The following MROH7 variants were observed in gnomAD, a reference collection of about 807,000 sequenced individuals.
The protein encoded by MROH7 is maestro heat like repeat family member 7.
In MROH7, 113 loss-of-function variants were observed where a neutral mutation model predicts 129.2. The observed-to-expected ratio is 0.87, with a 90% CI of 0.75 to 1.02. The LOEUF is 1.02. Among genes scored for constraint, MROH7 ranks in the 50% least tolerant of loss-of-function variants. MROH7 has a pLI of 0.00. For missense variants in MROH7, 1,601 were observed against 1,671.3 expected (o/e 0.96, Z 0.73); for synonymous variants, 655 against 667.9 (o/e 0.98, Z 0.30).
chr1:54,679,806 C>T (rs974201064), intron 12 of MROH7, 85 bp from the exon 13 acceptor site: 3 of 1,350,086 alleles, frequency 2.2e-6, no homozygotes, highest in Admixed American at 3.6e-5. Context: ...GCCTGTCACC[C>T]CCTTCCCTCT....
chr1:54,673,253 G>A, intron 8 of MROH7, 67 bp downstream of exon 8: 1 of 1,221,636 alleles, frequency 8.2e-7, no homozygotes, highest in Non-Finnish European at 1.2e-6. Context: ...AATTGGTGCA[G>A]GAGCAGTGGA....
chr1:54,706,325 T>C (rs1645532889), intron 21 of MROH7, 110 bp from the exon 22 acceptor site: 1 of 746,676 alleles, frequency 1.3e-6, no homozygotes, highest in Non-Finnish European at 2.4e-6. Flanking sequence ...AGGGAGCAGA[T>C]ATATTTGGGA....
At position 54,703,691 on chromosome 1, in the gene MROH7, C is replaced by A. The variant is rs894335544; in HGVS notation, c.3564+946C>A. Among the ~76,000 whole-genome samples, 1 of 152,092 alleles carries A rather than the reference C, an allele frequency of 6.6e-6. No individual in the cohort carries two copies. Among genetic ancestry groups the A allele is most frequent in the Non-Finnish European group, 1.5e-5 (1 of 68,008 alleles). On this transcript the variant is annotated intron_variant, in intron 21 of 23. Coordinates refer to ENST00000421030, the MANE Select transcript of MROH7 (RefSeq NM_001039464.4). This position sits in a 1 kb window ranked among gnomAD's most constrained non-coding sequence, Gnocchi z 4.4. ...ACAACTCTGCAGGATACAGCCTAGT[C>A]CTCCATATGTCATTTGGGAGGATTT...
intron 17 of MROH7, among the ~76,000 whole-genome samples, chr1:54,696,807 G>A (rs1434730585): frequency 6.6e-6 from 1 of 151,478 alleles, no homozygotes; most frequent in East Asian, 1.9e-4. Flanking sequence ...GAGTAGCTGG[G>A]ATTATAGGCA....
chr1:54,682,160 CTT>C (rs36109984), intron 13 of MROH7, among the ~76,000 whole-genome samples: 20,123 of 134,854 alleles, frequency 0.15, 1,718 homozygotes, highest in East Asian at 0.29. Context: ...TTCTTTCTTT[CTT>C]TTTTTTTTTT....
At position 54,697,880 on chromosome 1, in the gene MROH7, T is replaced by C. The variant is rs1045534765; in HGVS notation, c.2964+2390T>C. On this transcript the variant is annotated intron_variant, in intron 17 of 23. Coordinates refer to ENST00000421030, the MANE Select transcript of MROH7 (RefSeq NM_001039464.4). ...GGATCTTGCCAGACCTTATGGGGCATTCCTGTGTCCACCACAAAGTCAGGG... is the reference window on the plus strand; with the variant it reads ...GGATCTTGCCAGACCTTATGGGGCACTCCTGTGTCCACCACAAAGTCAGGG... 6 of 499,574 alleles carry C rather than the reference T, an allele frequency of 1.2e-5. 1 individual carries two copies. The East Asian group carries it at 1.2e-4, about 10-fold the overall frequency. 30.9% of individuals were successfully genotyped at this position (499,574 alleles called of 1,614,324 possible).
At position 54,697,511 on chromosome 1, in the gene MROH7, C is replaced by T. The variant is rs1280509597; in HGVS notation, c.2964+2021C>T. 2.0e-5 allele frequency: 11 copies of T among 551,744 alleles called. No individual in the cohort carries two copies. In the South Asian group the frequency reaches 2.3e-4, roughly 11 times the overall value. 34.2% of individuals were successfully genotyped at this position (551,744 alleles called of 1,614,324 possible). A position where few individuals can be genotyped will look rare whatever the true frequency, so the allele number is the denominator to read the frequency against. On this transcript the variant is annotated intron_variant, in intron 17 of 23. Coordinates refer to ENST00000421030, the MANE Select transcript of MROH7 (RefSeq NM_001039464.4). Reference sequence around the variant, plus strand: ...GGGGTCGGGAGTCCTGGGTTCCAGCCCCAGCTCCATCCAGTTCTAACTCCA... The same window carrying T: ...GGGGTCGGGAGTCCTGGGTTCCAGCTCCAGCTCCATCCAGTTCTAACTCCA...
intron 4 of MROH7, among the ~76,000 whole-genome samples, chr1:54,667,770 A>AG (rs1159913267): frequency 1.6e-5 from 2 of 127,770 alleles, no homozygotes; most frequent in African/African-American, 6.6e-5. Context: ...AAATTTACAA[A>AG]GTAAAAAAAA....
At position 54,682,356 on chromosome 1, in the gene MROH7, C is replaced by T. The variant is rs528947916; in HGVS notation, c.2382-300C>T. Among the ~76,000 whole-genome samples the T allele has an allele frequency of 3.6e-4, 55 of 151,906 alleles. No homozygotes were observed. The East Asian group carries it at 5.1e-3, about 14-fold the overall frequency. On this transcript the variant is annotated intron_variant, in intron 13 of 23. Coordinates refer to ENST00000421030, the MANE Select transcript of MROH7 (RefSeq NM_001039464.4). ...ATTTTTTTTGTATTATTAGTAGAGA[C>T]GGGGTTTCACCATATTGGCCAGGCT...
rs1398016916 is a variant in MROH7 at position 54,699,098 on chromosome 1, C to CTTTT, written c.2965-1220_2965-1219insTTTT. The CTTTT allele has an allele frequency of 1.8e-3, 72 of 40,854 alleles. 2 individuals are homozygous for CTTTT. Among genetic ancestry groups the CTTTT allele is most frequent in the African/African-American group, 5.4e-3 (71 of 13,192 alleles). 2.5% of individuals were successfully genotyped at this position (40,854 alleles called of 1,614,324 possible). ...TGTGAGCCACCTTGCCTGGCCTTTTCTTTCTTTCTTTCTTTCTTTCTTTCT... is the reference window on the plus strand; with the variant it reads ...TGTGAGCCACCTTGCCTGGCCTTTTCTTTTTTTCTTTCTTTCTTTCTTTCTTTCT... On this transcript the variant is annotated intron_variant, in intron 17 of 23. Coordinates refer to ENST00000421030, the MANE Select transcript of MROH7 (RefSeq NM_001039464.4).
intron 3 of MROH7, among the ~76,000 whole-genome samples, chr1:54,656,520 A>G (rs1231186977): frequency 6.7e-6 from 1 of 148,832 alleles, no homozygotes; most frequent in Non-Finnish European, 1.5e-5. Context: ...AAAAAAAAAA[A>G]AAAAAAAAGC....
rs1007249434 is a variant in MROH7, at chr1:54,673,681, T to A, written c.1696-20T>A. 1.6e-5 allele frequency: 25 copies of A among 1,590,256 alleles called. No individual in the cohort carries two copies. Among genetic ancestry groups the A allele is most frequent in the Middle Eastern group, 3.3e-4 (2 of 6,054 alleles). The stretch of plus-strand genomic sequence containing the variant: ...CTGTCATCTAACCTGTAGTTCTGAG[T>A]CTTGCTTTTGATCCCACAGGCCCTG... On this transcript the variant is annotated intron_variant, in intron 8 of 23. Transcript: ENST00000421030.
chr1:54,678,715 C>A, intron 10 of MROH7, 27 bp from the exon 11 acceptor site: 1 of 1,526,056 alleles, frequency 6.6e-7, no homozygotes, highest in Non-Finnish European at 9.1e-7. Flanking sequence ...GAGATCCGGC[C>A]TCACTGAGAA....
Sources: allele counts gnomAD v4.1 joint callset (sites outside exome capture counted in the v4.1 genomes callset), GRCh38; gene constraint gnomAD v4.1.1; non-coding constraint Gnocchi (gnomAD v3.1); transcripts MANE v1.5; gene names NCBI Gene and HGNC (gene_info 2026-07-23, HGNC 2026-07-21).